Variants in SLC27A6 observed in about 807,000 individuals in gnomAD.
SLC27A6 encodes the protein solute carrier family 27 member 6.
SLC27A6 carries 74 observed loss-of-function variants against 63.9 expected under a neutral mutation model. The ratio of observed to expected loss-of-function variants is 1.16; its 90% CI spans 0.96 to 1.40. The LOEUF is 1.40. SLC27A6 is among the 40% of genes most tolerant of loss of function. The pLI is 0.00. For missense variants in SLC27A6, 794 were observed against 732.9 expected (o/e 1.08, Z -0.96); for synonymous variants, 287 against 260.8 (o/e 1.10, Z -0.97).
chr5:128,977,597 T>C, intron 1 of SLC27A6, among the ~76,000 whole-genome samples: 1 of 152,082 alleles, frequency 6.6e-6, no homozygotes, highest in East Asian at 1.9e-4. Context: ...CATCAGAAAA[T>C]CTGAACTCTA....
chr5:129,002,808 G>C (rs1032282824), intron 4 of SLC27A6, among the ~76,000 whole-genome samples: 1 of 152,182 alleles, frequency 6.6e-6, no homozygotes, highest in Non-Finnish European at 1.5e-5. Flanking sequence ...TAGGGTTATT[G>C]TGGTGATTAA....
chr5:128,968,514 G>T (rs1263866636), intron 1 of SLC27A6, among the ~76,000 whole-genome samples: 2 of 152,148 alleles, frequency 1.3e-5, no homozygotes, highest in Non-Finnish European at 2.9e-5. Context: ...GATGGCCAGT[G>T]ATGATGAGCA....
intron 1 of SLC27A6, among the ~76,000 whole-genome samples, chr5:128,976,113 G>A (rs1369073861): frequency 1.3e-5 from 2 of 152,180 alleles, no homozygotes; most frequent in East Asian, 1.9e-4. Flanking sequence ...GTCCTGAAAA[G>A]TAAAACAGAT....
Position 128,985,347 on chromosome 5 carries a change from A to G in SLC27A6, c.685+11A>G, listed in dbSNP as rs761976425. 6.8e-6 allele frequency: 11 copies of G among 1,609,912 alleles called. No homozygotes were observed. Among genetic ancestry groups the G allele is most frequent in the Non-Finnish European group, 9.3e-6 (11 of 1,176,576 alleles). On this transcript the variant is annotated intron_variant, in intron 2 of 9. Coordinates refer to ENST00000262462, the MANE Select transcript of SLC27A6 (RefSeq NM_001017372.3). ...CCTCTGGAACAACAGGTATGATCCA[A>G]TTCTTTTGAAGGCTAAAATGAATGC...
chr5:128,985,410 A>G (rs917124359), intron 2 of SLC27A6, 74 bp downstream of exon 2: 3 of 1,267,996 alleles, frequency 2.4e-6, no homozygotes, highest in African/African-American at 2.9e-5. Flanking sequence ...GCAAATTTCT[A>G]CCATGTGTAG....
chr5:129,011,177 G>A (rs752005471), intron 4 of SLC27A6, among the ~76,000 whole-genome samples: 1 of 152,058 alleles, frequency 6.6e-6, no homozygotes, highest in Non-Finnish European at 1.5e-5. Context: ...GAGTGGAATG[G>A]GTAGGTTGTA....
chr5:129,031,954 G>T (rs952408997), intron 9 of SLC27A6, among the ~76,000 whole-genome samples: 18 of 151,752 alleles, frequency 1.2e-4, no homozygotes, highest in Admixed American at 1.1e-3. Flanking sequence ...AAGTGAAGTT[G>T]ACTCAAATAG....
chr5:128,970,922 G>A (rs1454139094), intron 1 of SLC27A6, among the ~76,000 whole-genome samples: 2 of 152,124 alleles, frequency 1.3e-5, no homozygotes, highest in South Asian at 2.1e-4. Flanking sequence ...TCTACACACT[G>A]CTTTAAATGT....
intron 4 of SLC27A6, among the ~76,000 whole-genome samples, chr5:129,012,583 AGC>A (rs991247306): frequency 6.6e-6 from 1 of 152,058 alleles, no homozygotes; most frequent in Admixed American, 6.6e-5. Context: ...AGTCTATTTT[AGC>A]TCTGTCCATT....
At chr5:129,012,790 C>T (rs1269447987) in intron 4 of SLC27A6, among the ~76,000 whole-genome samples, 1 of 151,774 alleles carries the variant, frequency 6.6e-6, no homozygotes, top group East Asian at 1.9e-4. Flanking sequence ...TATGGCTTAC[C>T]TTTTTCCATC....
rs1240682144 is a variant in SLC27A6, at chr5:129,033,523, T to A, written c.*241T>A. 3 of 201,120 alleles carry A rather than the reference T, an allele frequency of 1.5e-5. No individual in the cohort carries two copies. In the Admixed American group the frequency reaches 1.8e-4, roughly 12 times the overall value. The allele number at this position is 201,120 out of a possible 1,614,324, so 12.5% of individuals were successfully genotyped here. A position where few individuals can be genotyped will look rare whatever the true frequency, so the allele number is the denominator to read the frequency against. On this transcript the variant is annotated 3_prime_UTR_variant, in exon 10 of 10. Transcript: ENST00000262462. Reference sequence around the variant, plus strand: ...GTGCATAACTAAGTATTTTCCTTAATACTAAAGATTTTAAATAATAAATAG... The same window carrying A: ...GTGCATAACTAAGTATTTTCCTTAAAACTAAAGATTTTAAATAATAAATAG...
chr5:129,007,375 G>A (rs1326102105), intron 4 of SLC27A6, among the ~76,000 whole-genome samples: 12 of 150,440 alleles, frequency 8.0e-5, no homozygotes, highest in African/African-American at 1.2e-4. Flanking sequence ...CCCGGGAGGC[G>A]GAGGTTGCAG....
At chr5:129,027,723 C>G (rs566551721) in intron 7 of SLC27A6, among the ~76,000 whole-genome samples, 57 of 152,036 alleles carry the variant, frequency 3.7e-4, no homozygotes, top group African/African-American at 1.2e-3. Context: ...TTTTTAATTC[C>G]CTAAGATTAT....
intron 4 of SLC27A6, among the ~76,000 whole-genome samples, chr5:129,013,303 C>A (rs1193528560): frequency 1.3e-5 from 2 of 151,926 alleles, no homozygotes; most frequent in Non-Finnish European, 2.9e-5. Flanking sequence ...TTCTTTGGTG[C>A]TAAGAACTGC....
intron 1 of SLC27A6, among the ~76,000 whole-genome samples, chr5:128,971,686 A>G (rs938227803): frequency 5.9e-5 from 9 of 152,066 alleles, no homozygotes; most frequent in Admixed American, 1.3e-4. Flanking sequence ...TCCTGAATAC[A>G]GCACACTGAT....
In SLC27A6 at chr5:128,965,886, C is replaced by A. The variant is rs375892186; in HGVS notation, c.-252C>A. On this transcript the variant is annotated 5_prime_UTR_variant, in exon 1 of 10. Coordinates refer to ENST00000262462, the MANE Select transcript of SLC27A6 (RefSeq NM_001017372.3). ...TGGTTTCTCGCAGGAGTCGGAGGCT[C>A]CCTGCTTTCCAGCCGCCCAGTGACC... 11 of 378,850 alleles carry A rather than the reference C, an allele frequency of 2.9e-5. No homozygotes were observed. Among genetic ancestry groups the A allele is most frequent in the African/African-American group, 2.3e-4 (11 of 48,642 alleles). The allele number at this position is 378,850 out of a possible 1,614,324, so 23.5% of individuals were successfully genotyped here. A position where few individuals can be genotyped will look rare whatever the true frequency, so the allele number is the denominator to read the frequency against.
intron 4 of SLC27A6, among the ~76,000 whole-genome samples, chr5:129,006,071 G>GTTTTTTTTTTTTGTTT (rs1751514544): frequency 1.7e-5 from 1 of 60,148 alleles, no homozygotes; most frequent in Admixed American, 2.7e-4. Flanking sequence ...TGTGCACACT[G>GTTTTTTTTTTTTGTTT]TTTTTTTTTT....
At chr5:128,975,338 G>A (rs1378191533) in intron 1 of SLC27A6, among the ~76,000 whole-genome samples, 2 of 152,186 alleles carry the variant, frequency 1.3e-5, no homozygotes, top group African/African-American at 4.8e-5. Context: ...GGAATAGAGT[G>A]AGACTCCAAA....
intron 5 of SLC27A6, among the ~76,000 whole-genome samples, chr5:129,022,700 C>T (rs1333619907): frequency 2.0e-5 from 3 of 152,100 alleles, no homozygotes; most frequent in Admixed American, 1.3e-4. Context: ...TGGCTCACAC[C>T]TGTAAGCCCA....
Sources: allele counts gnomAD v4.1 joint callset (sites outside exome capture counted in the v4.1 genomes callset), GRCh38; gene constraint gnomAD v4.1.1; transcripts MANE v1.5; gene names NCBI Gene and HGNC (gene_info 2026-07-23, HGNC 2026-07-21).